ZNF114: variants seen among roughly 807,000 people sequenced by gnomAD.
ZNF114 encodes zinc finger protein 114, also known as zinc finger protein 114 (Y18).
ZNF114 carries 8 observed loss-of-function variants against 6.8 expected under a neutral mutation model. The observed-to-expected ratio is 1.18, with a 90% CI of 0.69 to 2.13. The LOEUF (loss-of-function observed/expected upper bound fraction) is 2.13, where lower values mean the gene tolerates loss of function less well. ZNF114 is among the 30% of genes most tolerant of loss of function. The probability of loss-of-function intolerance (pLI) is 0.00; values close to 1 mark genes in which losing one functional copy is unlikely to be tolerated. For missense variants in ZNF114, 472 were observed against 519.5 expected, an observed-to-expected ratio of 0.91 and a Z score of 0.89; for synonymous variants, 169 against 185.5, an observed-to-expected ratio of 0.91 and a Z score of 0.72.
At chr19:48,276,934 G>A (rs969210431) in intron 3 of ZNF114, among the ~76,000 whole-genome samples, 3 of 152,312 alleles carry the variant, frequency 2.0e-5, no homozygotes, top group African/African-American at 4.8e-5. Flanking sequence ...CGAGGCAGGC[G>A]GATCACCTGA....
rs1039077371 is a variant in ZNF114, at chr19:48,287,469, C to A, written c.*591C>A. 4 of 151,518 alleles carry A rather than the reference C, an allele frequency of 2.6e-5. No individual in the cohort carries two copies. The highest frequency in any genetic ancestry group is 9.7e-5 in the African/African-American group (4 of 41,136). 9.4% of individuals were successfully genotyped at this position (151,518 alleles called of 1,614,324 possible). A position where few individuals can be genotyped will look rare whatever the true frequency, so the allele number is the denominator to read the frequency against. On this transcript the variant is annotated 3_prime_UTR_variant, in exon 6 of 6. Coordinates refer to ENST00000595607, the MANE Select transcript of ZNF114 (RefSeq NM_153608.4). ...CCGAGATGGAGCCACTGCACTCCAG[C>A]CTGGGGGAAAGAGCGAGACTCCGTC... is the stretch of plus-strand genomic sequence containing the variant.
At position 48,285,928 on chromosome 19, in the gene ZNF114, G is replaced by C. The variant is rs557307183; in HGVS notation, c.304G>C (p.Gly102Arg). 4 of 1,614,126 alleles carry C rather than the reference G, an allele frequency of 2.5e-6. No homozygotes were observed. Among genetic ancestry groups the C allele is most frequent in the Admixed American group, 3.3e-5 (2 of 60,010 alleles). ...CAAAACAGAGGAACCACACAGGCAG[G>C]GGGTGAATAATGTGAAGCCACCTGC... ...CPKTEEPHRQGVNNVKPPAVA... is the reference protein window; with the variant it reads ...CPKTEEPHRQRVNNVKPPAVA... Residue 102 changes from glycine to arginine, a missense_variant, in exon 6 of 6, where the codon GGG becomes CGG. By Grantham distance (125) the Gly-to-Arg change is moderately radical. Transcript: ENST00000595607.
intron 3 of ZNF114, among the ~76,000 whole-genome samples, chr19:48,278,673 T>C (rs1313259953): frequency 2.0e-5 from 3 of 150,552 alleles, no homozygotes; most frequent in Admixed American, 6.6e-5. Flanking sequence ...CCAGGTGCGG[T>C]GCTCACACCC....
chr19:48,279,591 G>C (rs1967938854), intron 3 of ZNF114, 140 bp from the exon 4 acceptor site: 4 of 571,692 alleles, frequency 7.0e-6, no homozygotes, highest in Non-Finnish European at 6.3e-6. Context: ...GGGTGTAGAG[G>C]GGGTGGGGGT....
chr19:48,270,807 G>A (rs553351930), intron 1 of ZNF114, among the ~76,000 whole-genome samples: 2 of 152,008 alleles, frequency 1.3e-5, no homozygotes, highest in African/African-American at 4.8e-5. Flanking sequence ...GGCCGGGCGC[G>A]GTGGCTCACG....
At position 48,286,296 on chromosome 19, in the gene ZNF114, T is replaced by TC. The variant is rs1329489056; in HGVS notation, c.674dup (p.Phe226IlefsTer7). 1.2e-6 allele frequency: 2 copies of TC among 1,614,132 alleles called. No individual in the cohort carries two copies. The highest frequency in any genetic ancestry group is 1.7e-6 in the Non-Finnish European group (2 of 1,180,026). ...CGGGGGCCAACAGGCACCAGCGGAA[T>TC]CCATTTGGAAAAGCTTTCCGTGAAG... On this transcript the variant is annotated frameshift_variant, in exon 6 of 6. Transcript: ENST00000595607. LOFTEE classifies it low-confidence loss of function (END_TRUNC).
rs1415866773 is a variant in ZNF114, at chr19:48,287,532, A to C, written c.*654A>C. On this transcript the variant is annotated 3_prime_UTR_variant, in exon 6 of 6. Transcript: ENST00000595607. The stretch of plus-strand genomic sequence containing the variant: ...AAAAGTAGGAAAGACCTCTTTAAAC[A>C]CTTACCACTCATGTTGCATGTGAAT... 7 of 151,752 alleles carry C rather than the reference A, an allele frequency of 4.6e-5. No individual in the cohort carries two copies. Among genetic ancestry groups the C allele is most frequent in the Non-Finnish European group, 2.9e-5 (2 of 67,986 alleles). 9.4% of individuals were successfully genotyped at this position (151,752 alleles called of 1,614,324 possible). A position where few individuals can be genotyped will look rare whatever the true frequency, so the allele number is the denominator to read the frequency against.
In ZNF114 at chr19:48,270,169, T is replaced by G. The variant is rs1967616920; in HGVS notation, c.-427T>G. 1 of 152,054 alleles carries G rather than the reference T, an allele frequency of 6.6e-6. No homozygotes were observed. The highest frequency in any genetic ancestry group is 6.6e-5 in the Admixed American group (1 of 15,186). 9.4% of individuals were successfully genotyped at this position (152,054 alleles called of 1,614,324 possible). ...CACAAAGCCTGTTTAGGTGGTCTTC[T>G]ATACGGACACGCGTGACACCCAGGA... On this transcript the variant is annotated 5_prime_UTR_variant, in exon 1 of 6. Coordinates refer to ENST00000595607, the MANE Select transcript of ZNF114 (RefSeq NM_153608.4).
At chr19:48,282,251 G>A (rs1968012186) in intron 4 of ZNF114, 120 bp from the exon 5 acceptor site, 1 of 1,366,224 alleles carries the variant, frequency 7.3e-7, no homozygotes, top group Admixed American at 2.2e-5. Flanking sequence ...CACAAATCAG[G>A]TCACCTTTGC....
chr19:48,275,522 A>G (rs1175465825), intron 3 of ZNF114, among the ~76,000 whole-genome samples: 1 of 151,744 alleles, frequency 6.6e-6, no homozygotes, highest in Non-Finnish European at 1.5e-5. Flanking sequence ...AGACAGGAGA[A>G]TCTCTTGAAC....
chr19:48,282,837 C>G (rs551973434), intron 5 of ZNF114, among the ~76,000 whole-genome samples: 2 of 151,202 alleles, frequency 1.3e-5, no homozygotes, highest in East Asian at 3.9e-4. Context: ...CTTAGCCTCC[C>G]TAGTAGCTGG....
chr19:48,283,522 A>G (rs1968045025), intron 5 of ZNF114, among the ~76,000 whole-genome samples: 1 of 152,130 alleles, frequency 6.6e-6, no homozygotes, highest in African/African-American at 2.4e-5. Flanking sequence ...AGTTTTGTCC[A>G]GGCATTTATG....
At position 48,286,236 on chromosome 19, in the gene ZNF114, G is replaced by A; in HGVS notation, c.612G>A (p.Gln204=). ...AATCAAGCACATGGACTGGCAGTCAGAACACTGTGCATCATATACGTGATG... is the reference window on the plus strand; with the variant it reads ...AATCAAGCACATGGACTGGCAGTCAAAACACTGTGCATCATATACGTGATG... ...ELKSSTWTGS[Q]NTVHHIRDEI... Residue 204 remains glutamine, a synonymous_variant, in exon 6 of 6, where the codon CAG becomes CAA. Transcript: ENST00000595607. 6.2e-7 allele frequency: 1 copy of A among 1,614,184 alleles called. No homozygotes were observed. Among genetic ancestry groups the A allele is most frequent in the Non-Finnish European group, 8.5e-7 (1 of 1,180,038 alleles).
At chr19:48,275,557 C>A (rs1021016123) in intron 3 of ZNF114, among the ~76,000 whole-genome samples, 16 of 151,888 alleles carry the variant, frequency 1.1e-4, no homozygotes, top group Admixed American at 6.6e-5. Flanking sequence ...TTGCAGTGAG[C>A]CAAGCTAGTG....
chr19:48,279,779 G>T lies in ZNF114; in HGVS notation c.-21G>T. On this transcript the variant is annotated 5_prime_UTR_variant, in exon 4 of 6. Coordinates refer to ENST00000595607, the MANE Select transcript of ZNF114 (RefSeq NM_153608.4). ...AGGAAACACGGGGAAGCCAGGACTG[G>T]CCGTCACGTTGGTGACAAATATGTC... The T allele has an allele frequency of 6.2e-7, 1 of 1,613,964 alleles. No individual in the cohort carries two copies. The highest frequency in any genetic ancestry group is 1.1e-5 in the South Asian group (1 of 91,084).
At chr19:48,273,960 T>G (rs1349021734) in intron 3 of ZNF114, among the ~76,000 whole-genome samples, 1 of 151,668 alleles carries the variant, frequency 6.6e-6, no homozygotes, top group Non-Finnish European at 1.5e-5. Context: ...GGTTTCACCG[T>G]GTTAGCCGGG....
chr19:48,279,818 C>A lies in ZNF114; in HGVS notation c.9+10C>A, dbSNP rs757992954. On this transcript the variant is annotated intron_variant, in intron 4 of 5. Coordinates refer to ENST00000595607, the MANE Select transcript of ZNF114 (RefSeq NM_153608.4). ...GACAAATATGTCCCAGGTAAGTTGG[C>A]AGCTCACCCTCTCCCAGAAGCGTGT... 19 of 1,613,724 alleles carry A rather than the reference C, an allele frequency of 1.2e-5. No individual in the cohort carries two copies. The highest frequency in any genetic ancestry group is 1.5e-5 in the Non-Finnish European group (18 of 1,179,894).
intron 3 of ZNF114, among the ~76,000 whole-genome samples, chr19:48,272,285 G>A (rs1215120650): frequency 6.6e-6 from 1 of 151,888 alleles, no homozygotes; most frequent in African/African-American, 2.4e-5. Flanking sequence ...GGTGGCATGC[G>A]CCTGTAATCC....
chr19:48,279,815 TGGCAGCTCACC>T lies in ZNF114; in HGVS notation c.9+8_9+18del. The T allele has an allele frequency of 6.2e-7, 1 of 1,613,934 alleles. No homozygotes were observed. Among genetic ancestry groups the T allele is most frequent in the Non-Finnish European group, 8.5e-7 (1 of 1,179,912 alleles). On this transcript the variant is annotated splice_region_variant and intron_variant, in intron 4 of 5. Coordinates refer to ENST00000595607, the MANE Select transcript of ZNF114 (RefSeq NM_153608.4). ...GGTGACAAATATGTCCCAGGTAAGT[TGGCAGCTCACC>T]CTCTCCCAGAAGCGTGTTGTCGTTC...
Sources: allele counts gnomAD v4.1 joint callset (sites outside exome capture counted in the v4.1 genomes callset), GRCh38; gene constraint gnomAD v4.1.1; transcripts MANE v1.5; gene names NCBI Gene and HGNC (gene_info 2026-07-23, HGNC 2026-07-21).